The following RMDN2 variants were observed in gnomAD, a reference collection of about 807,000 sequenced individuals.
The protein encoded by RMDN2 is regulator of microtubule dynamics protein 2.
In RMDN2, 61 loss-of-function variants were observed where a neutral mutation model predicts 52.8. That is an observed-to-expected ratio of 1.16 (90% CI 0.94 to 1.43). RMDN2 has a LOEUF of 1.43. RMDN2 is among the 40% of genes most tolerant of loss of function. The pLI is 0.00. For synonymous variants in RMDN2, 180 were observed against 153.1 expected (o/e 1.18, Z -1.30); for missense variants, 592 against 475.3 (o/e 1.25, Z -2.28).
intron 5 of RMDN2, among the ~76,000 whole-genome samples, chr2:37,984,315 G>A (rs1177533560): frequency 6.6e-6 from 1 of 152,118 alleles, no homozygotes; most frequent in Non-Finnish European, 1.5e-5. Flanking sequence ...GCAGTTTGTT[G>A]GCCAAATAAG....
At chr2:37,997,861 A>G (rs1046969904) in intron 8 of RMDN2, 4 of 208,924 alleles carry the variant, frequency 1.9e-5, no homozygotes, top group Non-Finnish European at 9.4e-6. Context: ...CCTGATGGTT[A>G]AACTTAGTCC....
intron 10 of RMDN2, among the ~76,000 whole-genome samples, chr2:38,045,240 C>A (rs1331368150): frequency 1.3e-5 from 2 of 152,040 alleles, no homozygotes; most frequent in Non-Finnish European, 2.9e-5. Context: ...ATATGCTTTT[C>A]TTTTTATTTA....
At chr2:37,968,658 T>C (rs1671404087) in intron 2 of RMDN2, among the ~76,000 whole-genome samples, 1 of 151,972 alleles carries the variant, frequency 6.6e-6, no homozygotes, top group South Asian at 2.1e-4. Flanking sequence ...TCATGCAGAG[T>C]TGAAGGGATA....
chr2:37,956,220 A>G (rs1669438411), intron 2 of RMDN2, among the ~76,000 whole-genome samples: 1 of 152,106 alleles, frequency 6.6e-6, no homozygotes, highest in African/African-American at 2.4e-5. Flanking sequence ...GTTTTTAATT[A>G]CTTTTTACTA....
intron 4 of RMDN2, among the ~76,000 whole-genome samples, chr2:37,978,836 A>G (rs1170025776): frequency 2.0e-5 from 3 of 147,086 alleles, no homozygotes; most frequent in South Asian, 4.3e-4. Flanking sequence ...GTTTGCGAGC[A>G]TATGTAGCAG....
chr2:38,001,673 G>A (rs1676341208), intron 8 of RMDN2, among the ~76,000 whole-genome samples: 1 of 152,236 alleles, frequency 6.6e-6, no homozygotes, highest in African/African-American at 2.4e-5. Context: ...TTCGGACAGA[G>A]CTGAGGCAAC....
chr2:38,043,578 CTCT>C (rs1011205610), intron 10 of RMDN2, among the ~76,000 whole-genome samples: 4 of 152,016 alleles, frequency 2.6e-5, no homozygotes, highest in African/African-American at 4.8e-5. Context: ...TCATCTTCCC[CTCT>C]TCTTCTGCCT....
At chr2:38,047,934 A>C (rs944489322) in intron 10 of RMDN2, among the ~76,000 whole-genome samples, 3 of 152,114 alleles carry the variant, frequency 2.0e-5, no homozygotes, top group Admixed American at 2.0e-4. Context: ...GGAGACAAAA[A>C]TTTTGTCTGA....
At chr2:37,938,121 T>C (rs1486799750) in intron 2 of RMDN2, among the ~76,000 whole-genome samples, 1 of 152,212 alleles carries the variant, frequency 6.6e-6, no homozygotes, top group African/African-American at 2.4e-5. Flanking sequence ...AAGGCCTTTA[T>C]TGAAGGCCTT....
intron 5 of RMDN2, among the ~76,000 whole-genome samples, chr2:37,985,606 C>A (rs1452666893): frequency 6.6e-6 from 1 of 152,122 alleles, no homozygotes; most frequent in African/African-American, 2.4e-5. Context: ...AGGTCTGTAT[C>A]TTGGTCCCCA....
intron 2 of RMDN2, 48 bp downstream of exon 2, chr2:37,929,777 A>G (rs1023647155): frequency 6.3e-5 from 79 of 1,248,970 alleles, no homozygotes; most frequent in Non-Finnish European, 8.1e-5. Context: ...TATTATCATT[A>G]TTACTATTAT....
intron 8 of RMDN2, chr2:37,998,189 C>G (rs1437300517): frequency 2.0e-5 from 3 of 152,138 alleles, no homozygotes; most frequent in Non-Finnish European, 2.9e-5. Flanking sequence ...TTTATAGTTA[C>G]TAAATGTGTT....
chr2:37,951,538 C>T lies in RMDN2; in HGVS notation c.452+21809C>T, dbSNP rs146089847. ...GATTCTGAAGAAGACACAGGCTTCA[C>T]TGATATAAAATCTTCCTCAGACCAT... On this transcript the variant is annotated intron_variant, in intron 2 of 10. Transcript: ENST00000354545. The T allele has an allele frequency of 7.4e-6, 12 of 1,612,318 alleles. No individual in the cohort carries two copies. The African/African-American group carries it at 1.5e-4, about 20-fold the overall frequency.
intron 2 of RMDN2, among the ~76,000 whole-genome samples, chr2:37,934,576 T>C (rs920099482): frequency 7.2e-5 from 11 of 152,108 alleles, no homozygotes; most frequent in Non-Finnish European, 1.0e-4. Flanking sequence ...TTTTTGTCAC[T>C]CCGAGGCAGA....
chr2:37,954,239 A>G (rs1222843407), intron 2 of RMDN2, among the ~76,000 whole-genome samples: 4 of 152,050 alleles, frequency 2.6e-5, no homozygotes, highest in East Asian at 1.9e-4. Flanking sequence ...TTTATTGCCT[A>G]TGCTTTTAGT....
intron 1 of RMDN2, 92 bp from the exon 2 acceptor site, chr2:37,929,170 A>T: frequency 1.4e-6 from 1 of 715,944 alleles, no homozygotes; most frequent in Non-Finnish European, 2.3e-6. Context: ...TGTGATGTAA[A>T]CTTGGCTTTT....
At chr2:37,951,260 A>G (rs1668748698) in intron 2 of RMDN2, 3 of 1,599,686 alleles carry the variant, frequency 1.9e-6, no homozygotes, top group Non-Finnish European at 2.6e-6. Flanking sequence ...AGAGCTTCCA[A>G]CGATGTTCTC....
chr2:37,940,879 A>G (rs1352593867), intron 2 of RMDN2, among the ~76,000 whole-genome samples: 1 of 152,174 alleles, frequency 6.6e-6, no homozygotes, highest in East Asian at 1.9e-4. Context: ...CCACCTTCTG[A>G]AGCCTACTTC....
chr2:37,997,085 G>T lies in RMDN2; in HGVS notation c.946-331G>T, dbSNP rs115865414. ...AATCCAGAATCAGATGAACAAACGG[G>T]ATCAGCATTATTTCCCACCCCACCC... On this transcript the variant is annotated intron_variant, in intron 7 of 10. Transcript: ENST00000354545. 7.1e-3 allele frequency among the ~76,000 whole-genome samples: 1,080 copies of T among 152,154 alleles called. 17 individuals are homozygous for T. Among genetic ancestry groups the T allele is most frequent in the African/African-American group, 0.024 (1,012 of 41,510 alleles).
Sources: gnomAD v4.1 joint callset for allele counts (sites outside exome capture counted in the v4.1 genomes callset) on GRCh38, gnomAD v4.1.1 for gene constraint, MANE v1.5 for transcripts, NCBI Gene and HGNC (gene_info 2026-07-23, HGNC 2026-07-21) for gene names.